Variants in CREB1 observed in about 807,000 individuals in gnomAD.
CREB1 encodes the protein cyclic AMP-responsive element-binding protein 1.
In CREB1, 2 loss-of-function variants were observed where a neutral mutation model predicts 42.0. That is an observed-to-expected ratio of 0.05 (90% confidence interval 0.02 to 0.15). CREB1 has a LOEUF of 0.15. Ranked by LOEUF, CREB1 falls within the 10% of genes least tolerant of loss-of-function variation. The pLI is 1.00. For missense variants in CREB1, 199 were observed against 388.9 expected (o/e 0.51, Z 4.11); for synonymous variants, 123 against 139.9 (o/e 0.88, Z 0.85).
At chr2:207,571,011 TC>T (rs2082334072) in intron 5 of CREB1, among the ~76,000 whole-genome samples, 2 of 114,486 alleles carry the variant, frequency 1.7e-5, no homozygotes, top group Admixed American at 2.0e-4. Flanking sequence ...GGTACTTTTT[TC>T]TCTTTTTCCC....
intron 5 of CREB1, 32 bp from the exon 6 acceptor site, chr2:207,575,240 A>G: frequency 6.3e-7 from 1 of 1,599,180 alleles, no homozygotes; most frequent in East Asian, 2.2e-5. Flanking sequence ...TATGGTATTA[A>G]ACTTGTAACA....
rs1277636860 is a variant in CREB1 at position 207,598,388 on chromosome 2, AAC to A, written c.*1332_*1333del. ...TTTTATAATTTTAATTCCTGATTAAAACAGTCTGTATTTGTGTATATCATACA... is the reference window on the plus strand; with the variant it reads ...TTTTATAATTTTAATTCCTGATTAAAAGTCTGTATTTGTGTATATCATACA... On this transcript the variant is annotated 3_prime_UTR_variant, in exon 8 of 8. Transcript: ENST00000353267. The A allele has an allele frequency of 2.2e-5, 4 of 183,238 alleles. No homozygotes were observed. The highest frequency in any genetic ancestry group is 4.6e-5 in the Non-Finnish European group (4 of 86,186). The allele number at this position is 183,238 out of a possible 1,614,324, so 11.4% of individuals were successfully genotyped here.
At chr2:207,591,551 G>C (rs554424307) in intron 7 of CREB1, among the ~76,000 whole-genome samples, 1 of 152,244 alleles carries the variant, frequency 6.6e-6, no homozygotes, top group East Asian at 1.9e-4. Flanking sequence ...TCGTGCCTCA[G>C]CTTCCAAAAT....
Position 207,549,910 on chromosome 2 carries a change from C to T in CREB1, c.-8-5718C>T, listed in dbSNP as rs962168465. On this transcript the variant is annotated intron_variant, in intron 1 of 7. Coordinates refer to ENST00000353267, the MANE Select transcript of CREB1 (RefSeq NM_004379.5). Reference sequence around the variant, plus strand: ...GCTTGAACCCAAGGGGCGGGGGTTGCAGTGAGCTGAGATTGTGCCACCACA... The same window carrying T: ...GCTTGAACCCAAGGGGCGGGGGTTGTAGTGAGCTGAGATTGTGCCACCACA... Among the ~76,000 whole-genome samples, 4 of 150,878 alleles carry T rather than the reference C, an allele frequency of 2.7e-5. No homozygotes were observed. The East Asian group carries it at 5.9e-4, about 22-fold the overall frequency.
intron 7 of CREB1, among the ~76,000 whole-genome samples, chr2:207,587,349 C>T (rs1272988921): frequency 6.7e-6 from 1 of 149,596 alleles, no homozygotes; most frequent in Non-Finnish European, 1.5e-5. Context: ...GCCGAGATCG[C>T]ACCACCGCAC....
intron 3 of CREB1, among the ~76,000 whole-genome samples, chr2:207,565,013 G>T (rs2082088738): frequency 6.6e-6 from 1 of 150,494 alleles, no homozygotes; most frequent in Non-Finnish European, 1.5e-5. Context: ...GATTTTTATT[G>T]ATCTCAGTTA....
At chr2:207,586,963 CA>C (rs1420289028) in intron 7 of CREB1, among the ~76,000 whole-genome samples, 1 of 152,036 alleles carries the variant, frequency 6.6e-6, no homozygotes, top group Non-Finnish European at 1.5e-5. Context: ...TGGCTATAAT[CA>C]AAAAGACAAG....
Position 207,577,769 on chromosome 2 carries a change from T to C in CREB1, c.839+114T>C, listed in dbSNP as rs565680270. On this transcript the variant is annotated intron_variant, in intron 7 of 7. Transcript: ENST00000353267. ...GGATCTTTGCATTGAATTTTTTTTT[T>C]CCAGCAGAATTAATGGATCTTGCTA... 1.5e-5 allele frequency: 19 copies of C among 1,299,328 alleles called. No homozygotes were observed. The Middle Eastern group carries it at 5.5e-4, about 38-fold the overall frequency. 80.5% of individuals were successfully genotyped at this position (1,299,328 alleles called of 1,614,324 possible). A position where few individuals can be genotyped will look rare whatever the true frequency, so the allele number is the denominator to read the frequency against.
rs1049581321 is a variant in CREB1 at position 207,601,822 on chromosome 2, G to C, written c.*4764G>C. The C allele has an allele frequency of 1.8e-5, 4 of 218,776 alleles. No individual in the cohort carries two copies. Among genetic ancestry groups the C allele is most frequent in the African/African-American group, 4.5e-5 (2 of 44,546 alleles). 13.6% of individuals were successfully genotyped at this position (218,776 alleles called of 1,614,324 possible). ...TAGGTGAAGAGTTGTGAGATAAATA[G>C]TTCACTCAGTTGTACAAAGCACAAC... is the stretch of plus-strand genomic sequence containing the variant. On this transcript the variant is annotated 3_prime_UTR_variant, in exon 8 of 8. Coordinates refer to ENST00000353267, the MANE Select transcript of CREB1 (RefSeq NM_004379.5).
rs964485569 is a variant in CREB1 at position 207,604,723 on chromosome 2, C to T, written c.*7665C>T. On this transcript the variant is annotated 3_prime_UTR_variant, in exon 8 of 8. Coordinates refer to ENST00000353267, the MANE Select transcript of CREB1 (RefSeq NM_004379.5). ...ATTCTCATCACTCCAAAAGTAAAGT[C>T]CCGTTACTCTCCATTTTCTCCTCCC... 4.6e-5 allele frequency among the ~76,000 whole-genome samples: 7 copies of T among 152,200 alleles called. No individual in the cohort carries two copies. Among genetic ancestry groups the T allele is most frequent in the Non-Finnish European group, 5.9e-5 (4 of 68,040 alleles).
chr2:207,535,674 G>T (rs911921190), intron 1 of CREB1, among the ~76,000 whole-genome samples: 1 of 151,760 alleles, frequency 6.6e-6, no homozygotes, highest in African/African-American at 2.4e-5. Context: ...ACCCCCGTGG[G>T]GAAACCTTTG....
Position 207,600,822 on chromosome 2 carries a change from A to G in CREB1, c.*3764A>G, listed in dbSNP as rs114892556. The G allele has an allele frequency of 0.014, 2,935 of 207,608 alleles. 34 individuals are homozygous for G. The highest frequency in any genetic ancestry group is 0.021 in the Admixed American group (350 of 16,874). The allele number at this position is 207,608 out of a possible 1,614,324, so 12.9% of individuals were successfully genotyped here. ...AGGACAAATCCCTACTATCATTTCT[A>G]CCTTTTGGGGTGACATGTGGAATCA... On this transcript the variant is annotated 3_prime_UTR_variant, in exon 8 of 8. Transcript: ENST00000353267.
Position 207,600,761 on chromosome 2 carries a change from T to G in CREB1, c.*3703T>G. ...CCTATCCCATCAGATGTCATCTGGC[T>G]GAAGTTTATCTCTGTCTCTCAGGAT... On this transcript the variant is annotated 3_prime_UTR_variant, in exon 8 of 8. Transcript: ENST00000353267. 1 of 210,224 alleles carries G rather than the reference T, an allele frequency of 4.8e-6. No individual in the cohort carries two copies. The highest frequency in any genetic ancestry group is 9.7e-6 in the Non-Finnish European group (1 of 103,434). The allele number at this position is 210,224 out of a possible 1,614,324, so 13.0% of individuals were successfully genotyped here. A position where few individuals can be genotyped will look rare whatever the true frequency, so the allele number is the denominator to read the frequency against.
intron 7 of CREB1, among the ~76,000 whole-genome samples, chr2:207,593,968 C>G (rs2085604113): frequency 6.6e-6 from 1 of 152,176 alleles, no homozygotes; most frequent in Admixed American, 6.5e-5. Context: ...ATCTGCCTGC[C>G]TCAGCCTCCC....
intron 1 of CREB1, among the ~76,000 whole-genome samples, chr2:207,541,017 C>A (rs1007881872): frequency 1.3e-5 from 2 of 152,094 alleles, no homozygotes; most frequent in Non-Finnish European, 2.9e-5. Flanking sequence ...GTTAGAAGTT[C>A]GAGACCAGCC....
intron 4 of CREB1, 152 bp downstream of exon 4, chr2:207,567,715 G>T (rs1443848675): frequency 4.0e-6 from 2 of 499,686 alleles, no homozygotes; most frequent in Non-Finnish European, 7.2e-6. Context: ...TAAAGTGGAA[G>T]CTTATCCTAC....
rs894500931 is a variant in CREB1, at chr2:207,581,928, T to C, written c.839+4273T>C. 4.3e-6 allele frequency: 3 copies of C among 702,940 alleles called. No homozygotes were observed. In the African/African-American group the frequency reaches 5.2e-5, roughly 12 times the overall value. 43.5% of individuals were successfully genotyped at this position (702,940 alleles called of 1,614,324 possible). ...TTTTCTTTTAGAATATCCCTCAGTT[T>C]GCATTTGTCCAGTGTTTTCTATGGA... On this transcript the variant is annotated intron_variant, in intron 7 of 7. Coordinates refer to ENST00000353267, the MANE Select transcript of CREB1 (RefSeq NM_004379.5).
At chr2:207,586,177 A>G (rs1032527482) in intron 7 of CREB1, among the ~76,000 whole-genome samples, 1 of 152,216 alleles carries the variant, frequency 6.6e-6, no homozygotes, top group Non-Finnish European at 1.5e-5. Flanking sequence ...GCATCACACT[A>G]CCTGACTTCA....
At chr2:207,583,744 C>T (rs1012660107) in intron 7 of CREB1, among the ~76,000 whole-genome samples, 2 of 152,168 alleles carry the variant, frequency 1.3e-5, no homozygotes, top group Admixed American at 6.5e-5. Flanking sequence ...GATGCAGTGT[C>T]ATGTATCTGT....
Sources: allele counts gnomAD v4.1 joint callset (sites outside exome capture counted in the v4.1 genomes callset), GRCh38; gene constraint gnomAD v4.1.1; transcripts MANE v1.5; gene names NCBI Gene and HGNC (gene_info 2026-07-23, HGNC 2026-07-21).